Variants in MROH1 observed in about 807,000 individuals in gnomAD.
MROH1 encodes the protein maestro heat-like repeat-containing protein family member 1.
Under a neutral mutation model 116.5 loss-of-function variants are expected in MROH1, and 117 were observed. The observed-to-expected ratio is 1.00, with a 90% confidence interval of 0.86 to 1.17. The LOEUF is 1.17. Among genes scored for constraint, MROH1 ranks in the 50% most tolerant of loss-of-function variants. The probability of loss-of-function intolerance (pLI) is 0.00; values close to 1 mark genes in which losing one functional copy is unlikely to be tolerated. For synonymous variants in MROH1, 921 were observed against 583.9 expected, an observed-to-expected ratio of 1.58 and a Z score of -8.32; for missense variants, 1,873 against 1,338.5, an observed-to-expected ratio of 1.40 and a Z score of -6.23.
At position 144,163,885 on chromosome 8, in the gene MROH1, G is replaced by A. The variant is rs146395837; in HGVS notation, c.22+37G>A. The A allele has an allele frequency of 4.3e-4, 691 of 1,611,776 alleles. 10 individuals are homozygous for A. In the East Asian group the frequency reaches 0.015, roughly 34 times the overall value. The stretch of plus-strand genomic sequence containing the variant: ...GGGATTGGGAGTGGCCGGGTGTGAG[G>A]CCTCTCTTGCCTCTGGGTGGTCAGG... On this transcript the variant is annotated intron_variant, in intron 3 of 43. Coordinates refer to ENST00000326134, the MANE Select transcript of MROH1 (RefSeq NM_032450.3). The surrounding 1 kb of genome is among the most constrained non-coding windows in gnomAD (Gnocchi z 4.4).
intron 5 of MROH1, 108 bp downstream of exon 5, chr8:144,179,694 C>A: frequency 7.2e-7 from 1 of 1,389,968 alleles, no homozygotes; most frequent in Non-Finnish European, 9.8e-7. Flanking sequence ...TGGTGTTTGG[C>A]TGCCTTGGGC....
At chr8:144,245,359 TCAGGCCA>T (rs1343386455) in intron 29 of MROH1, 99 bp downstream of exon 29, 2 of 723,514 alleles carry the variant, frequency 2.8e-6, no homozygotes, top group Non-Finnish European at 5.0e-6. Context: ...CCGCCCCAGC[TCAGGCCA>T]CAGTCCTCTT....
chr8:144,160,287 C>T (rs1819193481), intron 1 of MROH1, among the ~76,000 whole-genome samples: 1 of 152,120 alleles, frequency 6.6e-6, no homozygotes, highest in South Asian at 2.1e-4. Context: ...AGGTGGAATC[C>T]TGAGCTCTGC....
At chr8:144,184,208 C>T (rs934746317) in intron 7 of MROH1, among the ~76,000 whole-genome samples, 22 of 152,168 alleles carry the variant, frequency 1.4e-4, no homozygotes, top group African/African-American at 3.4e-4. Flanking sequence ...GTAAATGGGC[C>T]GGGCTGAAGT....
At chr8:144,213,842 T>A (rs1279580184) in intron 12 of MROH1, among the ~76,000 whole-genome samples, 1 of 152,134 alleles carries the variant, frequency 6.6e-6, no homozygotes, top group Non-Finnish European at 1.5e-5. Flanking sequence ...GAGCATCTCA[T>A]ATTTTATCTG....
chr8:144,261,711 G>A lies in MROH1; in HGVS notation c.4897G>A (p.Ala1633Thr). 2.8e-6 allele frequency: 2 copies of A among 722,692 alleles called. No homozygotes were observed. The highest frequency in any genetic ancestry group is 2.5e-6 in the Non-Finnish European group (1 of 396,990). 44.8% of individuals were successfully genotyped at this position (722,692 alleles called of 1,614,324 possible). The part of the protein sequence containing the change: ...APEVRTRAAE[A>T]LGRLVKLA The stretch of plus-strand genomic sequence containing the variant: ...CGAGGTGCGGACGAGGGCTGCTGAG[G>A]CCCTGGGCCGCCTGGTGAAGCTCGC... Residue 1633 changes from alanine (A) to threonine (T), a missense_variant, in exon 44 of 44, where the codon GCC (alanine) becomes ACC (threonine). Transcript: ENST00000326134.
intron 24 of MROH1, 143 bp from the exon 25 acceptor site, chr8:144,243,351 T>A (rs1365593018): frequency 1.5e-5 from 10 of 675,964 alleles, no homozygotes; most frequent in Non-Finnish European, 2.7e-5. Context: ...ACATGGACTT[T>A]GATAAGCAAA....
rs1407503011 is a variant in MROH1 at position 144,261,315 on chromosome 8, G to C, written c.4806G>C (p.Gln1602His). 1.4e-5 allele frequency: 10 copies of C among 721,344 alleles called. No homozygotes were observed. In the African/African-American group the frequency reaches 1.6e-4, roughly 11 times the overall value. 44.7% of individuals were successfully genotyped at this position (721,344 alleles called of 1,614,324 possible). A position where few individuals can be genotyped will look rare whatever the true frequency, so the allele number is the denominator to read the frequency against. Residue 1602 changes from glutamine (Q) to histidine (H), a missense_variant, in exon 43 of 44, where the codon CAG (glutamine) becomes CAC (histidine). Gln to His is a conservative substitution (Grantham distance 24). Coordinates refer to ENST00000326134, the MANE Select transcript of MROH1 (RefSeq NM_032450.3). The part of the protein sequence containing the change: ...GFLVLHSEPR[Q>H]QPQVDLDQLI... ...TGGTGCTGCACTCGGAGCCCAGGCA[G>C]CAGCCGCAGGTGGACCTGGACCAGC...
chr8:144,173,388 T>G (rs1423671782), intron 4 of MROH1, among the ~76,000 whole-genome samples: 1 of 150,074 alleles, frequency 6.7e-6, no homozygotes, highest in Non-Finnish European at 1.5e-5. Context: ...TGATGTAGGA[T>G]TCTTCTTTTT....
intron 13 of MROH1, among the ~76,000 whole-genome samples, chr8:144,222,494 G>A (rs545490852): frequency 1.3e-5 from 2 of 152,284 alleles, no homozygotes; most frequent in Non-Finnish European, 2.9e-5. Context: ...GCAGACACAG[G>A]CGCAGGTGCA....
chr8:144,201,669 G>A (rs1831177386), intron 12 of MROH1, among the ~76,000 whole-genome samples: 1 of 152,188 alleles, frequency 6.6e-6, no homozygotes, highest in Non-Finnish European at 1.5e-5. Context: ...GCAAAGAGCA[G>A]CCACCCAGAG....
At chr8:144,211,976 A>G (rs947435982) in intron 12 of MROH1, among the ~76,000 whole-genome samples, 6 of 152,094 alleles carry the variant, frequency 3.9e-5, no homozygotes, top group Admixed American at 3.3e-4. Flanking sequence ...TTGGCAGCTC[A>G]TGTTTTAGGC....
intron 1 of MROH1, among the ~76,000 whole-genome samples, chr8:144,159,093 C>A (rs1008586724): frequency 7.2e-5 from 11 of 152,188 alleles, no homozygotes; most frequent in African/African-American, 2.7e-4. Context: ...CACAGTGGCT[C>A]ACGCCTGTAA....
intron 4 of MROH1, among the ~76,000 whole-genome samples, chr8:144,172,246 C>T (rs1184385714): frequency 3.3e-5 from 5 of 152,116 alleles, no homozygotes; most frequent in Non-Finnish European, 5.9e-5. Flanking sequence ...AAGAGTCTGA[C>T]ACCTTTAAGG....
intron 33 of MROH1, 63 bp from the exon 34 acceptor site, chr8:144,254,750 G>A (rs1253583063): frequency 8.3e-6 from 6 of 720,272 alleles, no homozygotes; most frequent in Non-Finnish European, 1.5e-5. Context: ...CGGCACCCAG[G>A]TGGCGGGGGG....
chr8:144,258,535 T>C (rs1844357211), intron 35 of MROH1, among the ~76,000 whole-genome samples: 2 of 152,166 alleles, frequency 1.3e-5, no homozygotes, highest in African/African-American at 4.8e-5. Flanking sequence ...GGTGGCCAGG[T>C]GGCCACAGGC....
At chr8:144,255,102 G>A (rs1843467521) in intron 34 of MROH1, 124 bp downstream of exon 34, 16 of 614,970 alleles carry the variant, frequency 2.6e-5, no homozygotes, top group South Asian at 5.6e-5. Flanking sequence ...AGGCAGCACC[G>A]GGCTGGGAGC....
chr8:144,229,048 C>A (rs1838327229), intron 14 of MROH1, among the ~76,000 whole-genome samples: 1 of 152,168 alleles, frequency 6.6e-6, no homozygotes, highest in Admixed American at 6.6e-5. Flanking sequence ...AGAAACACTA[C>A]CTCATCCATT....
At chr8:144,160,694 T>C (rs1442218052) in intron 1 of MROH1, among the ~76,000 whole-genome samples, 1 of 145,118 alleles carries the variant, frequency 6.9e-6, no homozygotes, top group Non-Finnish European at 1.5e-5. Context: ...GTTCTTGGAG[T>C]CAGAAGTCTA....
Sources: gnomAD v4.1 joint callset for allele counts (sites outside exome capture counted in the v4.1 genomes callset) on GRCh38, gnomAD v4.1.1 for gene constraint, Gnocchi (gnomAD v3.1) non-coding constraint, MANE v1.5 for transcripts, NCBI Gene and HGNC (gene_info 2026-07-23, HGNC 2026-07-21) for gene names.